Variants in TRANK1 observed in about 807,000 individuals in gnomAD.
TRANK1 encodes the protein tetratricopeptide repeat and ankyrin repeat containing 1.
In TRANK1, 198 loss-of-function variants were observed where a neutral mutation model predicts 266.0. The ratio of observed to expected loss-of-function variants is 0.74; its 90% confidence interval spans 0.66 to 0.84. The LOEUF (loss-of-function observed/expected upper bound fraction) is 0.84. Ranked by LOEUF, TRANK1 falls within the 40% of genes least tolerant of loss-of-function variation. The pLI is 0.00. For missense variants in TRANK1, 3,326 were observed against 3,634.6 expected, an observed-to-expected ratio of 0.92 and a Z score of 2.18; for synonymous variants, 1,396 against 1,384.1, an observed-to-expected ratio of 1.01 and a Z score of -0.19.
chr3:36,929,031 ATCT>A (rs1475197524), intron 1 of TRANK1, among the ~76,000 whole-genome samples: 1 of 152,194 alleles, frequency 6.6e-6, no homozygotes, highest in Non-Finnish European at 1.5e-5. Flanking sequence ...TCAAGAGGGA[ATCT>A]TCTTCCAGGT....
chr3:36,875,908 G>C (rs966399959), intron 8 of TRANK1, among the ~76,000 whole-genome samples: 1 of 152,152 alleles, frequency 6.6e-6, no homozygotes, highest in African/African-American at 2.4e-5. Context: ...AGAAATGTTG[G>C]GAGGACGTCA....
Position 36,832,829 on chromosome 3 carries a change from C to T in TRANK1, c.6754G>A (p.Glu2252Lys). ...TCTGTAGACAAAATATAATCAATTT[C>T]TTTAAGTTCTTCTGCTAAGATTTTA... ...FPKILAEELK[E>K]IDYILSTDMY... Residue 2252 changes from glutamate to lysine, a missense_variant, in exon 22 of 24, where the codon GAA (glutamate) becomes AAA (lysine). Physicochemically the swap from Glu to Lys is moderately conservative, Grantham distance 56. Transcript: ENST00000645898. 1 of 1,613,964 alleles carries T rather than the reference C, an allele frequency of 6.2e-7. No homozygotes were observed.
At chr3:36,829,438 C>T (rs1054103959) in intron 23 of TRANK1, 126 bp downstream of exon 23, 2 of 826,828 alleles carry the variant, frequency 2.4e-6, no homozygotes, top group Admixed American at 2.1e-5. Context: ...GGTGATGCTC[C>T]TAGACAGTGA....
intron 3 of TRANK1, among the ~76,000 whole-genome samples, chr3:36,899,805 G>A (rs1454001958): frequency 1.3e-5 from 2 of 152,230 alleles, no homozygotes; most frequent in Admixed American, 1.3e-4. Flanking sequence ...ATATGACACA[G>A]AGAGAAGGAA....
At position 36,864,175 on chromosome 3, in the gene TRANK1, A is replaced by C. The variant is rs185386968; in HGVS notation, c.1240+144T>G. 109 of 943,156 alleles carry C rather than the reference A, an allele frequency of 1.2e-4. No homozygotes were observed. In the East Asian group the frequency reaches 3.1e-3, roughly 27 times the overall value. 58.4% of individuals were successfully genotyped at this position (943,156 alleles called of 1,614,324 possible). On this transcript the variant is annotated intron_variant, in intron 10 of 23. Transcript: ENST00000645898. The stretch of plus-strand genomic sequence containing the variant: ...GGGGTATGTAATGGATTTTACACCA[A>C]AGAATGCTCTGTGCTGTCTGAATGT...
rs78002260 is a variant in TRANK1, at chr3:36,856,541, C to A, written c.3181G>T (p.Val1061Leu). The A allele has an allele frequency of 1.2e-6, 2 of 1,613,870 alleles. No individual in the cohort carries two copies. Among genetic ancestry groups the A allele is most frequent in the African/African-American group, 2.7e-5 (2 of 74,928 alleles). Reference sequence around the variant, plus strand: ...AGTGGCCTGGGATTGAGGTCGATCACCGCGTACTCAAGCTCACCCACCCGG... The same window carrying A: ...AGTGGCCTGGGATTGAGGTCGATCAACGCGTACTCAAGCTCACCCACCCGG... Reference protein sequence around the residue: ...PFRVGELEYAVIDLNPRPLEP... With the variant: ...PFRVGELEYALIDLNPRPLEP... Residue 1061 changes from valine (V) to leucine (L), a missense_variant, in exon 13 of 24, where the codon GTG becomes TTG. Physicochemically the swap from Val to Leu is conservative, Grantham distance 32. Transcript: ENST00000645898.
chr3:36,879,824 A>ATATATGTAAATATACAAG lies in TRANK1; in HGVS notation c.908-5529_908-5528insCTTGTATATTTACATATA, dbSNP rs1559448894. ...TATACAAATATATGTAAATATACAA[A>ATATATGTAAATATACAAG]TATATGTAAATATACAAATATATGT... On this transcript the variant is annotated intron_variant, in intron 8 of 23. Coordinates refer to ENST00000645898, the MANE Select transcript of TRANK1 (RefSeq NM_001329998.2). Among the ~76,000 whole-genome samples the ATATATGTAAATATACAAG allele has an allele frequency of 5.3e-4, 59 of 112,224 alleles. 13 individuals carry two copies. The South Asian group carries it at 0.013, about 25-fold the overall frequency. 73.6% of individuals were successfully genotyped at this position (112,224 alleles called of 152,430 possible).
intron 8 of TRANK1, among the ~76,000 whole-genome samples, chr3:36,878,566 T>C (rs1211937594): frequency 1.3e-5 from 2 of 152,072 alleles, no homozygotes; most frequent in African/African-American, 2.4e-5. Flanking sequence ...ACAGCTAGAA[T>C]ACTTGGACAC....
At chr3:36,917,858 A>G (rs921108752) in intron 1 of TRANK1, among the ~76,000 whole-genome samples, 2 of 152,208 alleles carry the variant, frequency 1.3e-5, no homozygotes, top group African/African-American at 4.8e-5. Context: ...ATACAGTATT[A>G]TCTGTGGTAT....
chr3:36,856,619 T>G lies in TRANK1; in HGVS notation c.3103A>C (p.Asn1035His). The stretch of plus-strand genomic sequence containing the variant: ...TCATTGAGGATGTTAAAGGCCATGT[T>G]GGTGCTGAAGCTGTGGAACTTCATG... Reference protein sequence around the residue: ...NIMKFHSFSTNMAFNILNDTT... With the variant: ...NIMKFHSFSTHMAFNILNDTT... Residue 1035 changes from asparagine to histidine, a missense_variant, in exon 13 of 24, where the codon AAC becomes CAC. Coordinates refer to ENST00000645898, the MANE Select transcript of TRANK1 (RefSeq NM_001329998.2). 6.2e-7 allele frequency: 1 copy of G among 1,614,056 alleles called. No individual in the cohort carries two copies. The highest frequency in any genetic ancestry group is 8.5e-7 in the Non-Finnish European group (1 of 1,179,906).
rs2078745586 is a variant in TRANK1 at position 36,834,806 on chromosome 3, G to A, written c.5619C>T (p.Tyr1873=). The change falls in exon 21 of 24, where the codon TAC becomes TAT. Residue 1873 remains tyrosine (Y), a synonymous_variant. Coordinates refer to ENST00000645898, the MANE Select transcript of TRANK1 (RefSeq NM_001329998.2). ...CTTCTTCAAAAAGCTCCTCTTGGCA[G>A]TACATTTTGAGTGCTAGATCAAATT... ...IQEFDLALKM[Y]CQEELFEEAA... The A allele has an allele frequency of 1.9e-6, 3 of 1,613,504 alleles. No homozygotes were observed. Among genetic ancestry groups the A allele is most frequent in the Non-Finnish European group, 1.7e-6 (2 of 1,179,796 alleles).
intron 1 of TRANK1, among the ~76,000 whole-genome samples, chr3:36,939,194 A>G (rs1489600018): frequency 6.6e-6 from 1 of 151,916 alleles, no homozygotes; most frequent in Non-Finnish European, 1.5e-5. Flanking sequence ...GCACACAAAC[A>G]TATTTTCCAT....
At chr3:36,834,971 A>T in intron 20 of TRANK1, 64 bp from the exon 21 acceptor site, 1 of 1,422,998 alleles carries the variant, frequency 7.0e-7, no homozygotes, top group Non-Finnish European at 9.5e-7. Context: ...ATCTTAAACC[A>T]ATACCACAAG....
rs2078650970 is a variant in TRANK1, at chr3:36,828,100, AT to A, written c.*174del. On this transcript the variant is annotated 3_prime_UTR_variant, in exon 24 of 24. Coordinates refer to ENST00000645898, the MANE Select transcript of TRANK1 (RefSeq NM_001329998.2). The stretch of plus-strand genomic sequence containing the variant: ...GAAACACTTTAGAGGTGAGGGAGCA[AT>A]CAGATCCTAAGCCACTGAAAGAGAA... 2 of 582,236 alleles carry A rather than the reference AT, an allele frequency of 3.4e-6. No homozygotes were observed. The highest frequency in any genetic ancestry group is 6.1e-6 in the Non-Finnish European group (2 of 326,298). The allele number at this position is 582,236 out of a possible 1,614,324, so 36.1% of individuals were successfully genotyped here. A position where few individuals can be genotyped will look rare whatever the true frequency, so the allele number is the denominator to read the frequency against.
intron 8 of TRANK1, among the ~76,000 whole-genome samples, chr3:36,878,105 C>T (rs1486223239): frequency 1.3e-5 from 2 of 152,138 alleles, no homozygotes; most frequent in Non-Finnish European, 1.5e-5. Context: ...CAGAGGACAG[C>T]GAGCATCACT....
intron 1 of TRANK1, among the ~76,000 whole-genome samples, chr3:36,928,111 A>G (rs757585071): frequency 2.0e-5 from 3 of 152,160 alleles, no homozygotes; most frequent in Non-Finnish European, 4.4e-5. Flanking sequence ...TTCTTGCCCC[A>G]TAGCTCCCAC....
intron 15 of TRANK1, chr3:36,851,071 C>G (rs2078978797): frequency 1.0e-6 from 1 of 985,460 alleles, no homozygotes; most frequent in Non-Finnish European, 1.2e-6. Flanking sequence ...CCATAATGAA[C>G]TAAGCTTGGG....
intron 1 of TRANK1, among the ~76,000 whole-genome samples, chr3:36,932,307 A>C (rs2080371123): frequency 6.6e-6 from 1 of 152,218 alleles, no homozygotes; most frequent in Non-Finnish European, 1.5e-5. Flanking sequence ...GCAGTGGCTC[A>C]CGCCTGTAAT....
chr3:36,857,564 G>C lies in TRANK1; in HGVS notation c.2158C>G (p.Pro720Ala), dbSNP rs780733241. The C allele has an allele frequency of 6.2e-7, 1 of 1,614,052 alleles. No individual in the cohort carries two copies. Among genetic ancestry groups the C allele is most frequent in the South Asian group, 1.1e-5 (1 of 91,088 alleles). The change falls in exon 13 of 24, where the codon CCT (proline) becomes GCT (alanine). Residue 720 changes from proline to alanine, a missense_variant. Pro to Ala is a conservative substitution (Grantham distance 27). Transcript: ENST00000645898. This position sits in a 1 kb window ranked among gnomAD's most constrained non-coding sequence, Gnocchi z 4.3. ...AGCGAGCAGGGCCTGAGAGCTCCAG[G>C]CTCCTTCCTGGTCACCTGGGTACCT... The part of the protein sequence containing the change: ...LPGTQVTRKE[P>A]GALRPCSLRD...
Sources: gnomAD v4.1 joint callset for allele counts (sites outside exome capture counted in the v4.1 genomes callset) on GRCh38, gnomAD v4.1.1 for gene constraint, Gnocchi (gnomAD v3.1) non-coding constraint, MANE v1.5 for transcripts, NCBI Gene and HGNC (gene_info 2026-07-23, HGNC 2026-07-21) for gene names.